Variants in LRRIQ1 observed in about 807,000 individuals in gnomAD.
The protein encoded by LRRIQ1 is leucine-rich repeat- and IQ domain-containing protein 1.
LRRIQ1 carries 210 observed loss-of-function variants against 211.9 expected under a neutral mutation model. The ratio of observed to expected loss-of-function variants is 0.99; its 90% CI spans 0.89 to 1.11. The LOEUF is 1.11. Among genes scored for constraint, LRRIQ1 ranks in the 50% most tolerant of loss-of-function variants. The probability of loss-of-function intolerance (pLI) is 0.00; values close to 1 mark genes in which losing one functional copy is unlikely to be tolerated. For missense variants in LRRIQ1, 2,136 were observed against 1,939.5 expected (o/e 1.10, Z -1.90); for synonymous variants, 699 against 650.1 (o/e 1.08, Z -1.14).
chr12:85,079,404 T>C (rs563613807), intron 11 of LRRIQ1, among the ~76,000 whole-genome samples: 14 of 151,876 alleles, frequency 9.2e-5, no homozygotes, highest in Non-Finnish European at 1.9e-4. Flanking sequence ...TTTGTATTTT[T>C]AGTAGAGACG....
chr12:85,180,856 TTG>T (rs200753404), intron 24 of LRRIQ1, among the ~76,000 whole-genome samples: 8 of 151,092 alleles, frequency 5.3e-5, no homozygotes, highest in African/African-American at 1.5e-4. Context: ...TATGGTGTGT[TTG>T]TGTGTGTGTG....
At chr12:85,207,954 A>G (rs1335951194) in intron 24 of LRRIQ1, among the ~76,000 whole-genome samples, 1 of 151,964 alleles carries the variant, frequency 6.6e-6, no homozygotes, top group Non-Finnish European at 1.5e-5. Context: ...TATCTTAAAT[A>G]ATGCTTAAAT....
At chr12:85,264,035 CAAT>C (rs1896370804) in exon 2 of LRRIQ1, 1 of 151,952 alleles carries the variant, frequency 6.6e-6, no homozygotes, top group African/African-American at 2.4e-5. Context: ...CTGTGTTGCT[CAAT>C]AATAGCATCC....
intron 13 of LRRIQ1, among the ~76,000 whole-genome samples, chr12:85,102,958 AAATATATATAT>A (rs1163040118): frequency 1.4e-4 from 17 of 118,402 alleles, no homozygotes; most frequent in African/African-American, 4.8e-4. Context: ...AAAAAAAAAA[AAATATATATAT>A]ATATATATAT....
intron 8 of LRRIQ1, among the ~76,000 whole-genome samples, chr12:85,062,747 T>C (rs925366090): frequency 2.6e-5 from 4 of 151,774 alleles, no homozygotes; most frequent in African/African-American, 9.7e-5. Context: ...GAATGGTGGT[T>C]CAACTCTTAG....
intron 3 of LRRIQ1, 65 bp downstream of exon 3, chr12:85,040,666 G>A: frequency 2.2e-6 from 2 of 905,444 alleles, no homozygotes; most frequent in South Asian, 3.3e-5. Context: ...TTATAATTTA[G>A]TAAACTAAAG....
At chr12:85,218,783 A>G (rs1015405106) in intron 24 of LRRIQ1, among the ~76,000 whole-genome samples, 2 of 152,104 alleles carry the variant, frequency 1.3e-5, no homozygotes, top group Non-Finnish European at 2.9e-5. Context: ...ATTAACATTT[A>G]CATTAATATT....
At chr12:85,187,213 A>C (rs964539515) in intron 24 of LRRIQ1, among the ~76,000 whole-genome samples, 7 of 152,168 alleles carry the variant, frequency 4.6e-5, no homozygotes, top group Admixed American at 3.9e-4. Flanking sequence ...ATGCACAGCA[A>C]CCTGAACAGA....
chr12:85,185,245 C>G (rs1463924560), intron 24 of LRRIQ1, among the ~76,000 whole-genome samples: 1 of 151,700 alleles, frequency 6.6e-6, no homozygotes, highest in Non-Finnish European at 1.5e-5. Flanking sequence ...ATTGCCAATT[C>G]CACACTTACA....
intron 10 of LRRIQ1, among the ~76,000 whole-genome samples, chr12:85,067,477 T>G (rs911021261): frequency 6.6e-6 from 1 of 151,958 alleles, no homozygotes; most frequent in African/African-American, 2.4e-5. Context: ...TTTTCTTACT[T>G]AAGGACCAGT....
intron 15 of LRRIQ1, among the ~76,000 whole-genome samples, chr12:85,108,856 T>C (rs1304052133): frequency 6.6e-6 from 1 of 152,044 alleles, no homozygotes; most frequent in Non-Finnish European, 1.5e-5. Context: ...AAGGCACACA[T>C]TTACTAAAAT....
chr12:85,042,673 AT>A (rs1394746409), intron 3 of LRRIQ1, among the ~76,000 whole-genome samples: 1 of 151,306 alleles, frequency 6.6e-6, no homozygotes, highest in African/African-American at 2.4e-5. Flanking sequence ...ATAGTTTAAA[AT>A]TAAATTAATG....
chr12:85,153,715 A>C lies in LRRIQ1; in HGVS notation c.4594A>C (p.Ser1532Arg). Residue 1532 changes from serine (S) to arginine (R), a missense_variant, in exon 22 of 27, where the codon AGT becomes CGT. Ser to Arg is a moderately radical substitution (Grantham distance 110, BLOSUM62 -1). Coordinates refer to ENST00000393217, the MANE Select transcript of LRRIQ1 (RefSeq NM_001079910.2). ...ACCTGAATCAAAGACCAGTAGAAAG[A>C]GTTTGCTAAAATCTGAAAAAGAAAA... ...WTPESKTSRK[S>R]LLKSEKEKKI... 6.3e-7 allele frequency: 1 copy of C among 1,585,474 alleles called. No individual in the cohort carries two copies. Among genetic ancestry groups the C allele is most frequent in the Non-Finnish European group, 8.6e-7 (1 of 1,168,008 alleles).
chr12:85,081,016 G>A (rs551160528), intron 11 of LRRIQ1, among the ~76,000 whole-genome samples: 3 of 152,002 alleles, frequency 2.0e-5, no homozygotes, highest in African/African-American at 7.2e-5. Flanking sequence ...CTATACATTG[G>A]TATTGAGATT....
In LRRIQ1 at chr12:85,197,983, T is replaced by A. The variant is rs1191463723; in HGVS notation, c.4823-31534T>A. ...TATTATATATAAATATATATAATTA[T>A]ATTATATATTATATATAACATATAT... is the stretch of plus-strand genomic sequence containing the variant. On this transcript the variant is annotated intron_variant, in intron 24 of 26. Transcript: ENST00000393217. Among the ~76,000 whole-genome samples the A allele has an allele frequency of 4.2e-3, 396 of 94,246 alleles. 3 individuals are homozygous for A. The highest frequency in any genetic ancestry group is 0.017 in the African/African-American group (374 of 22,062). 61.8% of individuals were successfully genotyped at this position (94,246 alleles called of 152,430 possible). A position where few individuals can be genotyped will look rare whatever the true frequency, so the allele number is the denominator to read the frequency against.
At chr12:85,054,897 C>CA (rs1880798896) in intron 7 of LRRIQ1, among the ~76,000 whole-genome samples, 1 of 151,888 alleles carries the variant, frequency 6.6e-6, no homozygotes, top group South Asian at 2.1e-4. Flanking sequence ...GATATTTGCT[C>CA]AATTTTGTTG....
At chr12:85,198,628 T>C (rs1024151820) in intron 24 of LRRIQ1, among the ~76,000 whole-genome samples, 1 of 151,540 alleles carries the variant, frequency 6.6e-6, no homozygotes, top group East Asian at 1.9e-4. Flanking sequence ...AGTGCAGTGG[T>C]GCTATCTCAG....
Position 85,074,233 on chromosome 12 carries a change from A to T in LRRIQ1, c.2887+1135A>T, listed in dbSNP as rs376443138. On this transcript the variant is annotated intron_variant, in intron 11 of 26. Transcript: ENST00000393217. The stretch of plus-strand genomic sequence containing the variant: ...ATTAGTTATGAATGTTTTCCATTCT[A>T]ATTAAACTATGCAATTGTAAAAACA... 1.1e-4 allele frequency among the ~76,000 whole-genome samples: 16 copies of T among 152,172 alleles called. No homozygotes were observed. The South Asian group carries it at 3.3e-3, about 32-fold the overall frequency.
At chr12:85,272,736 T>G in the LRRIQ1 span, among the ~76,000 whole-genome samples, 1 of 152,166 alleles carries the variant, frequency 6.6e-6, no homozygotes, top group Non-Finnish European at 1.5e-5. Context: ...AGAAAGTGTT[T>G]AATTTTTTTA....
Sources: gnomAD v4.1 joint callset for allele counts (sites outside exome capture counted in the v4.1 genomes callset) on GRCh38, gnomAD v4.1.1 for gene constraint, MANE v1.5 for transcripts, NCBI Gene and HGNC (gene_info 2026-07-23, HGNC 2026-07-21) for gene names.